Variants in DLG2 observed in about 807,000 individuals in gnomAD.
DLG2 encodes the protein disks large homolog 2.
DLG2 carries 45 observed loss-of-function variants against 132.5 expected under a neutral mutation model. The observed-to-expected ratio is 0.34, with a 90% CI of 0.27 to 0.44. The LOEUF (loss-of-function observed/expected upper bound fraction) is 0.44, where lower values mean the gene tolerates loss of function less well. DLG2 is among the 20% of genes least tolerant of loss of function. The pLI is 1.00. For synonymous variants in DLG2, 424 were observed against 419.6 expected (o/e 1.01, Z -0.13); for missense variants, 1,045 against 1,196.9 (o/e 0.87, Z 1.87).
intron 6 of DLG2, among the ~76,000 whole-genome samples, chr11:84,559,338 G>C (rs1284553180): frequency 6.6e-6 from 1 of 152,058 alleles, no homozygotes; most frequent in African/African-American, 2.4e-5. Context: ...AGGGGACCTA[G>C]GGAGATGGCA....
At chr11:85,205,371 C>A (rs2081809731) in intron 4 of DLG2, among the ~76,000 whole-genome samples, 2 of 151,588 alleles carry the variant, frequency 1.3e-5, no homozygotes, top group East Asian at 3.9e-4. Flanking sequence ...ATGGGGTTAC[C>A]AGAGACTGAG....
chr11:84,550,873 G>A (rs145275194), intron 6 of DLG2, among the ~76,000 whole-genome samples: 7 of 152,156 alleles, frequency 4.6e-5, no homozygotes, highest in Non-Finnish European at 7.3e-5. Flanking sequence ...TTCTAGTTGC[G>A]TTAGGTAATC....
chr11:84,617,398 G>A (rs1239642417), intron 6 of DLG2, among the ~76,000 whole-genome samples: 2 of 152,034 alleles, frequency 1.3e-5, no homozygotes, highest in Admixed American at 6.6e-5. Flanking sequence ...TGGGCATTTG[G>A]GTTGGTTCCA....
chr11:84,597,408 C>T (rs2154531627), intron 6 of DLG2, among the ~76,000 whole-genome samples: 1 of 152,190 alleles, frequency 6.6e-6, no homozygotes, highest in South Asian at 2.1e-4. Flanking sequence ...AAAGTTGATA[C>T]TGTTCTCAAA....
At chr11:84,867,090 A>G (rs1235350630) in intron 6 of DLG2, among the ~76,000 whole-genome samples, 2 of 152,224 alleles carry the variant, frequency 1.3e-5, no homozygotes, top group Admixed American at 6.5e-5. Context: ...AGTATATTTT[A>G]TTGTCAGACA....
At chr11:85,579,742 A>G (rs957490702) in intron 3 of DLG2, among the ~76,000 whole-genome samples, 6 of 152,068 alleles carry the variant, frequency 3.9e-5, no homozygotes, top group African/African-American at 7.2e-5. Flanking sequence ...GCTGAAGAGC[A>G]ATTGTGCAGT....
At chr11:84,784,568 T>G (rs1165359818) in intron 6 of DLG2, among the ~76,000 whole-genome samples, 1 of 152,018 alleles carries the variant, frequency 6.6e-6, no homozygotes, top group East Asian at 1.9e-4. Context: ...TCAGATTATT[T>G]TGAAGCAAAA....
chr11:83,996,113 C>T (rs2094006155), intron 11 of DLG2, among the ~76,000 whole-genome samples: 1 of 151,834 alleles, frequency 6.6e-6, no homozygotes, highest in Non-Finnish European at 1.5e-5. Context: ...GTAAGGAACT[C>T]AAACAACTCT....
At chr11:83,666,303 A>T (rs1385809968) in intron 18 of DLG2, among the ~76,000 whole-genome samples, 3 of 152,154 alleles carry the variant, frequency 2.0e-5, no homozygotes, top group African/African-American at 4.8e-5. Flanking sequence ...CAGTCCGCAG[A>T]CTGGTAGGTG....
At chr11:85,463,363 A>G (rs2092678304) in intron 3 of DLG2, among the ~76,000 whole-genome samples, 1 of 152,256 alleles carries the variant, frequency 6.6e-6, no homozygotes, top group Admixed American at 6.5e-5. Flanking sequence ...AAATATCCTT[A>G]GCAGAAAATG....
chr11:84,318,005 T>C (rs573349228), intron 7 of DLG2, among the ~76,000 whole-genome samples: 20 of 152,322 alleles, frequency 1.3e-4, no homozygotes, highest in African/African-American at 4.8e-4. Flanking sequence ...AACAGTATTT[T>C]TCCTTACCCC....
chr11:83,519,360 T>TGTTA (rs1481287650), intron 21 of DLG2, among the ~76,000 whole-genome samples: 1 of 152,242 alleles, frequency 6.6e-6, no homozygotes, highest in Non-Finnish European at 1.5e-5. Context: ...TGAATTTTAT[T>TGTTA]GTTACAATAT....
chr11:84,804,652 C>T (rs1335651797), intron 6 of DLG2, among the ~76,000 whole-genome samples: 1 of 152,162 alleles, frequency 6.6e-6, no homozygotes, highest in Non-Finnish European at 1.5e-5. Flanking sequence ...AAGAACAGCC[C>T]TAACTAAAGC....
rs116857666 is a variant in DLG2 at position 83,988,415 on chromosome 11, A to T, written c.920-7773T>A. ...GCAGGCTCTTTTTTGGTTCCATAAGAATTTTAAAATAGCTTCTTCTAGTTT... is the reference window on the plus strand; with the variant it reads ...GCAGGCTCTTTTTTGGTTCCATAAGTATTTTAAAATAGCTTCTTCTAGTTT... On this transcript the variant is annotated intron_variant, in intron 11 of 27. Transcript: ENST00000376104. Among the ~76,000 whole-genome samples, 157 of 152,258 alleles carry T rather than the reference A, an allele frequency of 1.0e-3. 4 individuals carry two copies. In the East Asian group the frequency reaches 0.024, roughly 23 times the overall value.
At chr11:84,138,948 C>CAAAAA (rs5793107) in intron 9 of DLG2, among the ~76,000 whole-genome samples, 3 of 92,008 alleles carry the variant, frequency 3.3e-5, no homozygotes, top group Non-Finnish European at 2.3e-5. Context: ...GACTCCATCT[C>CAAAAA]AAAAAAAAAA....
intron 9 of DLG2, among the ~76,000 whole-genome samples, chr11:84,163,068 G>A (rs978316891): frequency 6.6e-6 from 1 of 152,110 alleles, no homozygotes; most frequent in Non-Finnish European, 1.5e-5. Flanking sequence ...TTTAAACTAA[G>A]TAAGAAACAC....
chr11:84,658,471 G>C (rs2099690831), intron 6 of DLG2, among the ~76,000 whole-genome samples: 1 of 152,094 alleles, frequency 6.6e-6, no homozygotes, highest in Non-Finnish European at 1.5e-5. Flanking sequence ...AGAAACTGTA[G>C]AGGGCTCCTG....
chr11:84,898,226 AT>A (rs1321969816), intron 6 of DLG2, among the ~76,000 whole-genome samples: 8 of 152,098 alleles, frequency 5.3e-5, no homozygotes, highest in African/African-American at 1.9e-4. Flanking sequence ...AGAGTAAAAA[AT>A]TTCTAATCAG....
At chr11:84,973,570 T>C (rs2054419349) in intron 6 of DLG2, among the ~76,000 whole-genome samples, 1 of 152,178 alleles carries the variant, frequency 6.6e-6, no homozygotes, top group Admixed American at 6.5e-5. Context: ...ATTATTAATT[T>C]CATTATCACT....
Sources: allele counts gnomAD v4.1 joint callset (sites outside exome capture counted in the v4.1 genomes callset), GRCh38; gene constraint gnomAD v4.1.1; transcripts MANE v1.5; gene names NCBI Gene and HGNC (gene_info 2026-07-23, HGNC 2026-07-21).